Variants in TENM1 observed in about 807,000 individuals in gnomAD.
The protein encoded by TENM1 is teneurin-1.
A neutral mutation model predicts 174.8 loss-of-function variants in TENM1; 35 were observed. The ratio of observed to expected loss-of-function variants is 0.20; its 90% CI spans 0.15 to 0.27. The LOEUF is 0.27. Among genes scored for constraint, TENM1 ranks in the 10% least tolerant of loss-of-function variants. TENM1 has a pLI of 1.00. For synonymous variants in TENM1, 781 were observed against 798.7 expected, an observed-to-expected ratio of 0.98 and a Z score of 0.37; for missense variants, 1,633 against 2,130.1, an observed-to-expected ratio of 0.77 and a Z score of 4.59.
intron 3 of TENM1, among the ~76,000 whole-genome samples, chrX:124,753,512 C>A (rs1293060029): frequency 2.0e-5 from 2 of 102,409 alleles, no homozygotes; most frequent in African/African-American, 7.2e-5. Flanking sequence ...CTGGCCAGAA[C>A]TTCCAACACT....
chrX:124,883,386 C>T (rs1178439071), intron 3 of TENM1, among the ~76,000 whole-genome samples: 2 of 112,369 alleles, frequency 1.8e-5, no homozygotes, highest in Non-Finnish European at 3.8e-5. Context: ...TTAGTGAAGG[C>T]TAAAGCAAAG....
intron 3 of TENM1, among the ~76,000 whole-genome samples, chrX:124,864,165 C>A (rs1467124097): frequency 8.9e-6 from 1 of 111,798 alleles, no homozygotes; most frequent in Admixed American, 9.5e-5. Context: ...ACAATAAACA[C>A]CTAACTCTTC....
intron 3 of TENM1, among the ~76,000 whole-genome samples, chrX:124,746,640 A>C (rs2148569196): frequency 8.9e-6 from 1 of 112,095 alleles, no homozygotes; most frequent in Non-Finnish European, 1.9e-5. Context: ...ATCACCCAGA[A>C]TACAAAAAAG....
chrX:124,713,433 T>C (rs1346640948), intron 4 of TENM1, among the ~76,000 whole-genome samples: 1 of 111,141 alleles, frequency 9.0e-6, no homozygotes, highest in East Asian at 2.8e-4. Context: ...CATGCCCGGC[T>C]AATTTTGTAT....
At chrX:124,496,925 C>G in intron 20 of TENM1, 91 bp downstream of exon 23, 2 of 987,128 alleles carry the variant, frequency 2.0e-6, no homozygotes, top group Non-Finnish European at 2.8e-6. Context: ...ACTACATTTT[C>G]TGCTTCTACT....
At chrX:124,445,639 G>C (rs191342790) in intron 23 of TENM1, among the ~76,000 whole-genome samples, 1 of 112,317 alleles carries the variant, frequency 8.9e-6, no homozygotes, top group Non-Finnish European at 1.9e-5. Flanking sequence ...GGATGCTCTA[G>C]ACAAACACCT....
chrX:124,448,027 C>G (rs1311209931), intron 23 of TENM1, among the ~76,000 whole-genome samples: 1 of 111,688 alleles, frequency 9.0e-6, no homozygotes, highest in Non-Finnish European at 1.9e-5. Flanking sequence ...ATCCAACCAT[C>G]AAGCAAACCT....
At chrX:124,463,748 C>G (rs189594529) in intron 22 of TENM1, among the ~76,000 whole-genome samples, 1 of 110,013 alleles carries the variant, frequency 9.1e-6, no homozygotes, top group East Asian at 2.9e-4. Context: ...GACCCTTGGC[C>G]AAGGTGGTGG....
chrX:124,540,554 G>A lies in TENM1; in HGVS notation c.2651+6320C>T, dbSNP rs1257483997. 2.7e-5 allele frequency among the ~76,000 whole-genome samples: 3 copies of A among 111,587 alleles called. No individual in the cohort carries two copies. The East Asian group carries it at 8.4e-4, about 31-fold the overall frequency. ...CAGTCTTGGGTCAATAATTTGTTTT[G>A]CCATTCACAGAATCTCAAATGGTAT... On this transcript the variant is annotated intron_variant, in intron 15 of 31. Coordinates refer to ENST00000422452, the Ensembl canonical transcript of TENM1.
chrX:125,195,378 C>T, the TENM1 span, among the ~76,000 whole-genome samples: 11 of 112,041 alleles, frequency 9.8e-5, no homozygotes, highest in East Asian at 2.0e-3. Context: ...ATACTTTATT[C>T]CATGTTTTAC....
intron 5 of TENM1, among the ~76,000 whole-genome samples, chrX:124,690,116 T>C (rs773854483): frequency 1.1e-3 from 128 of 112,054 alleles, no homozygotes; most frequent in Non-Finnish European, 1.9e-3. Flanking sequence ...ATTACAAATA[T>C]TAAATTCTTT....
intron 28 of TENM1, among the ~76,000 whole-genome samples, chrX:124,388,809 C>G (rs5911828): frequency 0.48 from 52,852 of 111,170 alleles, 9,016 homozygotes; most frequent in African/African-American, 0.55. Flanking sequence ...CCAAAGTCGT[C>G]GTTCTGTCTC....
intron 15 of TENM1, among the ~76,000 whole-genome samples, 165 bp from the exon 19 acceptor site, chrX:124,530,148 C>T (rs1012452510): frequency 1.8e-4 from 19 of 107,130 alleles, no homozygotes; most frequent in South Asian, 4.1e-4. Flanking sequence ...TTTTTTTTTT[C>T]CCCATCAAAA....
intron 3 of TENM1, among the ~76,000 whole-genome samples, chrX:124,891,437 G>A (rs1359667014): frequency 9.0e-6 from 1 of 110,752 alleles, no homozygotes; most frequent in African/African-American, 3.3e-5. Flanking sequence ...GAGGCAGGCA[G>A]ATCACGAGGT....
chrX:124,546,575 A>G (rs1433050812), intron 15 of TENM1, among the ~76,000 whole-genome samples: 1 of 112,187 alleles, frequency 8.9e-6, no homozygotes, highest in Admixed American at 9.4e-5. Flanking sequence ...CAATGAATCA[A>G]TCCAGAAGCT....
chrX:124,673,887 A>G (rs2051988724), intron 5 of TENM1, among the ~76,000 whole-genome samples: 1 of 111,725 alleles, frequency 9.0e-6, no homozygotes, highest in South Asian at 3.7e-4. Context: ...CAATGGTGGA[A>G]CCATTAATAG....
intron 11 of TENM1, among the ~76,000 whole-genome samples, chrX:124,584,243 C>A (rs1244121198): frequency 5.5e-5 from 6 of 109,162 alleles, no homozygotes; most frequent in Middle Eastern, 4.2e-3. Flanking sequence ...TCAGATTCAC[C>A]AAAGTTGAAA....
At chrX:125,064,867 A>C in the TENM1 span, among the ~76,000 whole-genome samples, 367 of 111,334 alleles carry the variant, frequency 3.3e-3, no homozygotes, top group African/African-American at 0.011. Flanking sequence ...CAGCCTCCAA[A>C]GTGCTGGGAT....
At chrX:125,155,854 C>T in the TENM1 span, among the ~76,000 whole-genome samples, 7 of 112,505 alleles carry the variant, frequency 6.2e-5, no homozygotes, top group African/African-American at 2.3e-4. Context: ...TCCAAACCTC[C>T]CCGCAAGCTG....
Sources: allele counts gnomAD v4.1 joint callset (sites outside exome capture counted in the v4.1 genomes callset), GRCh38; gene constraint gnomAD v4.1.1; transcripts MANE v1.5; gene names NCBI Gene and HGNC (gene_info 2026-07-23, HGNC 2026-07-21).